The following DCAF10 variants were observed in gnomAD, a reference collection of about 807,000 sequenced individuals.
The protein encoded by DCAF10 is DDB1- and CUL4-associated factor 10.
A neutral mutation model predicts 51.9 loss-of-function variants in DCAF10; 19 were observed. The observed-to-expected ratio is 0.37, with a 90% CI of 0.26 to 0.54. The LOEUF (loss-of-function observed/expected upper bound fraction) is 0.54, where lower values mean the gene tolerates loss of function less well. DCAF10 is among the 20% of genes least tolerant of loss of function. The pLI, the probability that DCAF10 is intolerant of heterozygous loss-of-function variation, is 0.87. For missense variants in DCAF10, 510 were observed against 730.6 expected (o/e 0.70, Z 3.48); for synonymous variants, 291 against 297.1 (o/e 0.98, Z 0.21).
At chr9:37,856,333 G>A (rs541553088) in intron 4 of DCAF10, among the ~76,000 whole-genome samples, 2 of 152,250 alleles carry the variant, frequency 1.3e-5, no homozygotes, top group African/African-American at 4.8e-5. Flanking sequence ...AAATATACGA[G>A]TATAATCCTT....
Position 37,801,499 on chromosome 9 carries a change from G to A in DCAF10, c.539+94G>A, listed in dbSNP as rs1663542568. The stretch of plus-strand genomic sequence containing the variant: ...TGGGCTCGCTCCCCGCGCCCGGGCC[G>A]AGGTTAGCGAGGCCGTTTGGGGCCG... On this transcript the variant is annotated intron_variant, in intron 1 of 6. Coordinates refer to ENST00000377724, the MANE Select transcript of DCAF10 (RefSeq NM_024345.5). The surrounding 1 kb of genome is among the most constrained non-coding windows in gnomAD (Gnocchi z 5.5). The A allele has an allele frequency of 7.6e-7, 1 of 1,316,468 alleles. No individual in the cohort carries two copies. The highest frequency in any genetic ancestry group is 9.7e-7 in the Non-Finnish European group (1 of 1,027,796). The allele number at this position is 1,316,468 out of a possible 1,614,324, so 81.5% of individuals were successfully genotyped here. A position where few individuals can be genotyped will look rare whatever the true frequency, so the allele number is the denominator to read the frequency against.
intron 1 of DCAF10, among the ~76,000 whole-genome samples, chr9:37,817,231 AT>A (rs1455117073): frequency 6.6e-6 from 1 of 152,218 alleles, no homozygotes; most frequent in Non-Finnish European, 1.5e-5. Flanking sequence ...ATGTACAAAA[AT>A]ATACTATAAT....
chr9:37,819,509 T>A, intron 2 of DCAF10, 108 bp downstream of exon 2: 1 of 661,760 alleles, frequency 1.5e-6, no homozygotes, highest in Non-Finnish European at 2.5e-6. Context: ...CACTGCTAGA[T>A]GATCCACATT....
chr9:37,827,157 A>G (rs953511511), intron 2 of DCAF10, among the ~76,000 whole-genome samples: 1 of 152,188 alleles, frequency 6.6e-6, no homozygotes, highest in Non-Finnish European at 1.5e-5. Flanking sequence ...GAACACCAAC[A>G]TAAGAAGCAA....
intron 3 of DCAF10, among the ~76,000 whole-genome samples, chr9:37,854,050 A>G (rs568376507): frequency 6.6e-6 from 1 of 152,102 alleles, no homozygotes; most frequent in East Asian, 1.9e-4. Flanking sequence ...AATTATTAAC[A>G]TAAAAAGTAA....
At chr9:37,852,393 T>G (rs1191316728) in intron 3 of DCAF10, among the ~76,000 whole-genome samples, 1 of 152,076 alleles carries the variant, frequency 6.6e-6, no homozygotes, top group African/African-American at 2.4e-5. Flanking sequence ...GACCAGGAGT[T>G]CCAAGACTAG....
At chr9:37,825,752 C>T (rs990002789) in intron 2 of DCAF10, among the ~76,000 whole-genome samples, 2 of 152,178 alleles carry the variant, frequency 1.3e-5, no homozygotes, top group East Asian at 1.9e-4. Flanking sequence ...GGCACAGTGG[C>T]TTATGCCTGT....
intron 3 of DCAF10, 85 bp from the exon 4 acceptor site, chr9:37,854,695 A>AT: frequency 7.5e-7 from 1 of 1,328,018 alleles, no homozygotes; most frequent in Non-Finnish European, 1.0e-6. Flanking sequence ...CCTACATTTT[A>AT]TTTTGAAGGG....
At chr9:37,820,960 A>C (rs1829683548) in intron 2 of DCAF10, among the ~76,000 whole-genome samples, 1 of 152,120 alleles carries the variant, frequency 6.6e-6, no homozygotes, top group East Asian at 1.9e-4. Context: ...CAAAGGTACA[A>C]AAAGGGTAAA....
At chr9:37,803,484 A>T (rs1829018905) in intron 1 of DCAF10, among the ~76,000 whole-genome samples, 1 of 151,844 alleles carries the variant, frequency 6.6e-6, no homozygotes, top group African/African-American at 2.4e-5. Flanking sequence ...TCTATTGTTA[A>T]ATTGCCCTCT....
chr9:37,814,136 G>GTTT (rs1829454130), intron 1 of DCAF10, among the ~76,000 whole-genome samples: 1 of 83,466 alleles, frequency 1.2e-5, no homozygotes, highest in Non-Finnish European at 2.4e-5. Flanking sequence ...ATTTGTTGTT[G>GTTT]TTGTTGTTGT....
intron 2 of DCAF10, among the ~76,000 whole-genome samples, chr9:37,839,463 C>G (rs1375736778): frequency 1.3e-5 from 2 of 152,170 alleles, no homozygotes; most frequent in African/African-American, 4.8e-5. Flanking sequence ...TGGTCTCAAA[C>G]TCCTGAGCTC....
intron 1 of DCAF10, among the ~76,000 whole-genome samples, chr9:37,818,996 TC>T (rs774018542): frequency 8.5e-5 from 13 of 152,276 alleles, no homozygotes; most frequent in Non-Finnish European, 1.3e-4. Flanking sequence ...TAGATTAAAT[TC>T]CCAGAAAAAA....
At chr9:37,818,833 A>C (rs1023702731) in intron 1 of DCAF10, among the ~76,000 whole-genome samples, 8 of 152,152 alleles carry the variant, frequency 5.3e-5, no homozygotes, top group Non-Finnish European at 8.8e-5. Context: ...ACCCCTTTTT[A>C]ACTTCTCTAC....
chr9:37,854,716 G>T, intron 3 of DCAF10, 64 bp from the exon 4 acceptor site: 1 of 1,473,092 alleles, frequency 6.8e-7, no homozygotes, highest in South Asian at 1.3e-5. Context: ...CAAAAAATAT[G>T]ATTATTACTG....
chr9:37,839,156 G>A (rs1437793210), intron 2 of DCAF10, among the ~76,000 whole-genome samples: 3 of 151,870 alleles, frequency 2.0e-5, no homozygotes, highest in Non-Finnish European at 4.4e-5. Context: ...CCGGGTTCAA[G>A]CAATTCTCTG....
chr9:37,822,404 G>GAGATATATATATATAT (rs1829729279), intron 2 of DCAF10, among the ~76,000 whole-genome samples: 1 of 124,574 alleles, frequency 8.0e-6, no homozygotes, highest in Admixed American at 8.4e-5. Flanking sequence ...AAGAAACTGT[G>GAGATATATATATATAT]ATATATATAT....
chr9:37,800,935 G>A lies in DCAF10; in HGVS notation c.69G>A (p.Thr23=), dbSNP rs775473516. 4.0e-6 allele frequency: 6 copies of A among 1,494,628 alleles called. No homozygotes were observed. The highest frequency in any genetic ancestry group is 5.1e-5 in the East Asian group (2 of 39,494). 92.6% of individuals were successfully genotyped at this position (1,494,628 alleles called of 1,614,324 possible). A position where few individuals can be genotyped will look rare whatever the true frequency, so the allele number is the denominator to read the frequency against. The change falls in exon 1 of 7, where the codon ACG becomes ACA. Residue 23 remains threonine, a synonymous_variant. Coordinates refer to ENST00000377724, the MANE Select transcript of DCAF10 (RefSeq NM_024345.5). ...GSAGAGAEEP[T]PHEGQAAATG... ...CCGGAGCCGGGGCTGAGGAGCCGAC[G>A]CCCCACGAGGGGCAGGCAGCAGCCA...
chr9:37,863,422 A>C lies in DCAF10; in HGVS notation c.*1914A>C, dbSNP rs1000504888. ...CATTATTTAAAAAATAATAATAGTAAATGAAAGCAATTTTAGAGGTGGAAA... is the reference window on the plus strand; with the variant it reads ...CATTATTTAAAAAATAATAATAGTACATGAAAGCAATTTTAGAGGTGGAAA... On this transcript the variant is annotated 3_prime_UTR_variant, in exon 7 of 7. Coordinates refer to ENST00000377724, the MANE Select transcript of DCAF10 (RefSeq NM_024345.5). 1.3e-5 allele frequency: 2 copies of C among 152,126 alleles called. No individual in the cohort carries two copies. The highest frequency in any genetic ancestry group is 2.1e-4 in the South Asian group (1 of 4,832). The allele number at this position is 152,126 out of a possible 1,614,324, so 9.4% of individuals were successfully genotyped here. A position where few individuals can be genotyped will look rare whatever the true frequency, so the allele number is the denominator to read the frequency against.
Sources: gnomAD v4.1 joint callset for allele counts (sites outside exome capture counted in the v4.1 genomes callset) on GRCh38, gnomAD v4.1.1 for gene constraint, Gnocchi (gnomAD v3.1) non-coding constraint, MANE v1.5 for transcripts, NCBI Gene and HGNC (gene_info 2026-07-23, HGNC 2026-07-21) for gene names.